The following RASGEF1B variants were observed in gnomAD, a reference collection of about 807,000 sequenced individuals.
RASGEF1B encodes the protein RasGEF domain family member 1B, also known as ras-GEF domain-containing family member 1B.
Under a neutral mutation model 65.7 loss-of-function variants are expected in RASGEF1B, and 30 were observed. That is an observed-to-expected ratio of 0.46 (90% CI 0.34 to 0.62). The LOEUF (loss-of-function observed/expected upper bound fraction) is 0.62. Ranked by LOEUF, RASGEF1B falls within the 20% of genes least tolerant of loss-of-function variation. The probability of loss-of-function intolerance (pLI) is 0.01; values close to 1 mark genes in which losing one functional copy is unlikely to be tolerated. For missense variants in RASGEF1B, 495 were observed against 580.1 expected (o/e 0.85, Z 1.51); for synonymous variants, 175 against 194.8 (o/e 0.90, Z 0.85).
At chr4:81,433,767 A>G in intron 12 of RASGEF1B, 73 bp downstream of exon 12, 1 of 1,522,348 alleles carries the variant, frequency 6.6e-7, no homozygotes, top group Middle Eastern at 1.7e-4. Context: ...ATGAGTAACC[A>G]AGCATTTCTA....
At chr4:81,433,202 C>T (rs1475853275) in intron 12 of RASGEF1B, among the ~76,000 whole-genome samples, 1 of 150,374 alleles carries the variant, frequency 6.7e-6, no homozygotes, top group Non-Finnish European at 1.5e-5. Context: ...GCGCTCCAGC[C>T]TGGGTGACAG....
intron 8 of RASGEF1B, among the ~76,000 whole-genome samples, chr4:81,444,242 A>G (rs891371176): frequency 2.6e-5 from 4 of 151,998 alleles, no homozygotes; most frequent in African/African-American, 9.7e-5. Flanking sequence ...TTGCCTTGAC[A>G]TTTTCTTACT....
chr4:81,434,578 G>T (rs1039294780), intron 11 of RASGEF1B, 61 bp downstream of exon 11: 11 of 920,526 alleles, frequency 1.2e-5, no homozygotes, highest in Non-Finnish European at 1.8e-5. Context: ...GGAATGCGGT[G>T]CTGGAGAAGC....
At chr4:81,445,963 A>C in intron 6 of RASGEF1B, 125 bp from the exon 7 acceptor site, 1 of 671,968 alleles carries the variant, frequency 1.5e-6, no homozygotes, top group Non-Finnish European at 2.6e-6. Flanking sequence ...GAACAACAGA[A>C]AGAGAGAGAG....
Position 81,440,904 on chromosome 4 carries a change from A to G in RASGEF1B, c.1034T>C (p.Phe345Ser). The G allele has an allele frequency of 6.2e-7, 1 of 1,612,566 alleles. No homozygotes were observed. Among genetic ancestry groups the G allele is most frequent in the Non-Finnish European group, 8.5e-7 (1 of 1,178,860 alleles). The change falls in exon 10 of 14, where the codon TTC (phenylalanine) becomes TCC (serine). Residue 345 changes from phenylalanine (F) to serine (S), a missense_variant. Transcript: ENST00000264400. ...LEHQMDPSSN[F>S]YNYRTALRGA... ...ACGAAGAGCTGTTCGATAATTATAG[A>G]AATTGCTTGAAGGGTCCATCTGATG...
chr4:81,439,151 C>T (rs143965518), intron 10 of RASGEF1B, among the ~76,000 whole-genome samples: 9,149 of 152,186 alleles, frequency 0.06, 424 homozygotes, highest in Admixed American at 0.14. Context: ...AGATCCTTGA[C>T]GAATTGCCAC....
chr4:81,452,416 G>A (rs144742597), intron 4 of RASGEF1B: 4,325 of 152,246 alleles, frequency 0.028, 97 homozygotes, highest in Non-Finnish European at 0.041. Context: ...AGCCTATTCC[G>A]CAATTTTAGA....
chr4:81,465,192 G>A (rs1722767791), intron 1 of RASGEF1B, among the ~76,000 whole-genome samples: 1 of 151,854 alleles, frequency 6.6e-6, no homozygotes, highest in African/African-American at 2.4e-5. Context: ...TTTGGTTTGG[G>A]TACAGCTATT....
At chr4:81,434,772 C>T (rs1335469340) in intron 10 of RASGEF1B, 38 bp from the exon 11 acceptor site, 1 of 1,020,252 alleles carries the variant, frequency 9.8e-7, no homozygotes, top group Non-Finnish European at 1.5e-6. Flanking sequence ...TCTGGGCAAA[C>T]AAATATTTAG....
At chr4:81,434,160 C>T (rs148330660) in intron 11 of RASGEF1B, among the ~76,000 whole-genome samples, 197 bp from the exon 12 acceptor site, 32 of 152,208 alleles carry the variant, frequency 2.1e-4, no homozygotes, top group African/African-American at 7.2e-4. Context: ...AGCAATCCTT[C>T]AGCCTCAGCC....
At chr4:81,431,796 T>C in intron 13 of RASGEF1B, among the ~76,000 whole-genome samples, 1 of 152,190 alleles carries the variant, frequency 6.6e-6, no homozygotes, top group East Asian at 1.9e-4. Flanking sequence ...AACATACTCA[T>C]AGGATATCAA....
At position 81,433,854 on chromosome 4, in the gene RASGEF1B, A is replaced by G. The variant is rs1338790899; in HGVS notation, c.1310T>C (p.Val437Ala). Reference sequence around the variant, plus strand: ...AATGGCCTTACCATCTTCACTGAAGACTGGTACTGTGAGCAGATACTGCAA... The same window carrying G: ...AATGGCCTTACCATCTTCACTGAAGGCTGGTACTGTGAGCAGATACTGCAA... ...KILQYLLTVP[V>A]FSEDALYLAS... The change falls in exon 12 of 14, where the codon GTC becomes GCC. Residue 437 changes from valine to alanine, a missense_variant. Transcript: ENST00000264400. 2 of 1,613,984 alleles carry G rather than the reference A, an allele frequency of 1.2e-6. No homozygotes were observed. Among genetic ancestry groups the G allele is most frequent in the South Asian group, 2.2e-5 (2 of 91,052 alleles).
At chr4:81,442,481 T>A in intron 8 of RASGEF1B, 105 bp from the exon 9 acceptor site, 1 of 706,846 alleles carries the variant, frequency 1.4e-6, no homozygotes, top group Non-Finnish European at 2.5e-6. Context: ...TAAGTGAGAA[T>A]TCTAAAATTA....
Position 81,429,279 on chromosome 4 carries a change from CAG to C in RASGEF1B, c.1398-1489_1398-1488del, listed in dbSNP as rs201003519. Among the ~76,000 whole-genome samples the C allele has an allele frequency of 7.6e-3, 1,165 of 152,306 alleles. 23 individuals are homozygous for C. The highest frequency in any genetic ancestry group is 0.027 in the African/African-American group (1,113 of 41,556). On this transcript the variant is annotated intron_variant, in intron 13 of 13. Coordinates refer to ENST00000264400, the MANE Select transcript of RASGEF1B (RefSeq NM_152545.3). ...GAGAACAGACAGGATATGGAAAAGGCAGAGTGTGTGGCTTGAACACCAACACA... is the reference window on the plus strand; with the variant it reads ...GAGAACAGACAGGATATGGAAAAGGCAGTGTGTGGCTTGAACACCAACACA...
chr4:81,448,010 T>C, intron 5 of RASGEF1B, 59 bp downstream of exon 5: 1 of 1,406,880 alleles, frequency 7.1e-7, no homozygotes, highest in Non-Finnish European at 1.0e-6. Flanking sequence ...ATATATCGTC[T>C]GGTTGCCAAA....
At chr4:81,471,333 T>C (rs1280753985) in intron 1 of RASGEF1B, 2 of 152,336 alleles carry the variant, frequency 1.3e-5, no homozygotes, top group South Asian at 2.1e-4. Flanking sequence ...AAAAAAATGA[T>C]GGACGCGATT....
intron 1 of RASGEF1B, among the ~76,000 whole-genome samples, chr4:81,466,575 C>T (rs184216682): frequency 7.2e-5 from 11 of 151,808 alleles, no homozygotes; most frequent in Admixed American, 2.6e-4. Context: ...CTGGCTAACA[C>T]GGTAAAACCC....
chr4:81,437,331 A>G (rs941268601), intron 10 of RASGEF1B, among the ~76,000 whole-genome samples: 1 of 152,220 alleles, frequency 6.6e-6, no homozygotes, highest in African/African-American at 2.4e-5. Flanking sequence ...AGACAGCCAT[A>G]TTCATTCATC....
Position 81,436,748 on chromosome 4 carries a change from C to T in RASGEF1B, c.1105-2014G>A, listed in dbSNP as rs1276792319. Among the ~76,000 whole-genome samples, 4 of 152,122 alleles carry T rather than the reference C, an allele frequency of 2.6e-5. No individual in the cohort carries two copies. The East Asian group carries it at 7.7e-4, about 29-fold the overall frequency. On this transcript the variant is annotated intron_variant, in intron 10 of 13. Transcript: ENST00000264400. Reference sequence around the variant, plus strand: ...AGTGAACAGAAAACATACTTTTGGGCTCACACACAAAAATATTAAGTATCA... The same window carrying T: ...AGTGAACAGAAAACATACTTTTGGGTTCACACACAAAAATATTAAGTATCA...
Sources: allele counts gnomAD v4.1 joint callset (sites outside exome capture counted in the v4.1 genomes callset), GRCh38; gene constraint gnomAD v4.1.1; transcripts MANE v1.5; gene names NCBI Gene and HGNC (gene_info 2026-07-23, HGNC 2026-07-21).